Variants in RGS6 observed in about 807,000 individuals in gnomAD.
The protein encoded by RGS6 is regulator of G-protein signaling 6.
Under a neutral mutation model 78.5 loss-of-function variants are expected in RGS6, and 30 were observed. The observed-to-expected ratio is 0.38, with a 90% confidence interval of 0.29 to 0.52. The LOEUF is 0.52. Among genes scored for constraint, RGS6 ranks in the 20% least tolerant of loss-of-function variants. The pLI, the probability that RGS6 is intolerant of heterozygous loss-of-function variation, is 0.85. For missense variants in RGS6, 495 were observed against 609.7 expected (o/e 0.81, Z 1.98); for synonymous variants, 206 against 206.0 (o/e 1.00, Z 0.00).
At chr14:72,225,735 A>T (rs1000657905) in intron 2 of RGS6, among the ~76,000 whole-genome samples, 1 of 152,200 alleles carries the variant, frequency 6.6e-6, no homozygotes, top group Non-Finnish European at 1.5e-5. Context: ...CAAAAATTCT[A>T]TGCTTTTTGC....
At chr14:72,498,477 A>C (rs2096674124) in intron 13 of RGS6, among the ~76,000 whole-genome samples, 3 of 152,206 alleles carry the variant, frequency 2.0e-5, no homozygotes, top group Non-Finnish European at 2.9e-5. Flanking sequence ...GAAGTTTCTA[A>C]AAAATACTAA....
At chr14:71,946,422 C>T (rs1410092231) in intron 1 of RGS6, among the ~76,000 whole-genome samples, 2 of 152,128 alleles carry the variant, frequency 1.3e-5, no homozygotes, top group Admixed American at 1.3e-4. Context: ...TGCTGCTCCT[C>T]CCCACTCCTT....
At chr14:72,461,252 G>T (rs1032962330) in intron 6 of RGS6, among the ~76,000 whole-genome samples, 9 of 152,178 alleles carry the variant, frequency 5.9e-5, no homozygotes, top group African/African-American at 1.9e-4. Flanking sequence ...TATTTTTCCA[G>T]GCAGTGGAGA....
In RGS6 at chr14:72,371,392, G is replaced by T. The variant is rs1596366855; in HGVS notation, c.184+19198G>T. Among the ~76,000 whole-genome samples, 5 of 152,244 alleles carry T rather than the reference G, an allele frequency of 3.3e-5. 1 individual carries two copies. In the East Asian group the frequency reaches 9.6e-4, roughly 29 times the overall value. The stretch of plus-strand genomic sequence containing the variant: ...AGTGGAATGAAGGAAGGAAAAGACA[G>T]GCAGTTTATTAAAAGTCAAAATATA... On this transcript the variant is annotated intron_variant, in intron 3 of 17. Transcript: ENST00000553525.
rs1234820242 is a variant in RGS6, at chr14:72,564,373, C to A, written c.*1906C>A. 1 of 152,252 alleles carries A rather than the reference C, an allele frequency of 6.6e-6. No individual in the cohort carries two copies. Among genetic ancestry groups the A allele is most frequent in the Non-Finnish European group, 1.5e-5 (1 of 68,054 alleles). 9.4% of individuals were successfully genotyped at this position (152,252 alleles called of 1,614,324 possible). A position where few individuals can be genotyped will look rare whatever the true frequency, so the allele number is the denominator to read the frequency against. The stretch of plus-strand genomic sequence containing the variant: ...AGGCTGGTACTTTGGAGGCACTAAC[C>A]ACTTGATGAGTAAATCAATGGCATA... On this transcript the variant is annotated 3_prime_UTR_variant, in exon 18 of 18. Transcript: ENST00000553525.
chr14:72,005,092 A>C (rs2084254782), intron 2 of RGS6, among the ~76,000 whole-genome samples: 1 of 152,224 alleles, frequency 6.6e-6, no homozygotes, highest in South Asian at 2.1e-4. Flanking sequence ...AATTAGGAGA[A>C]GCACAAATGG....
intron 3 of RGS6, among the ~76,000 whole-genome samples, chr14:72,383,112 A>T (rs888025047): frequency 1.6e-4 from 23 of 147,184 alleles, no homozygotes; most frequent in African/African-American, 5.7e-4. Flanking sequence ...TGCAATTAAA[A>T]TTTTTTCAAG....
chr14:72,064,896 T>A (rs1268382840), intron 2 of RGS6, among the ~76,000 whole-genome samples: 5 of 152,246 alleles, frequency 3.3e-5, no homozygotes, highest in African/African-American at 1.2e-4. Context: ...GGCAATGGTA[T>A]CATGTGGCAA....
At chr14:72,379,946 C>T (rs779291766) in intron 3 of RGS6, among the ~76,000 whole-genome samples, 5 of 152,030 alleles carry the variant, frequency 3.3e-5, no homozygotes, top group African/African-American at 7.2e-5. Context: ...ACCAAAACAG[C>T]ATGGTACTGT....
At chr14:72,155,760 TA>T (rs1438692377) in intron 2 of RGS6, among the ~76,000 whole-genome samples, 1 of 152,266 alleles carries the variant, frequency 6.6e-6, no homozygotes, top group Non-Finnish European at 1.5e-5. Context: ...CCCCTTCTAA[TA>T]TCAGCTGTTT....
chr14:72,519,569 A>G (rs2097002408), intron 15 of RGS6, among the ~76,000 whole-genome samples: 1 of 152,140 alleles, frequency 6.6e-6, no homozygotes. Context: ...TCAAGATGGA[A>G]ACACCTACCA....
At chr14:72,428,254 G>A (rs915886670) in intron 3 of RGS6, among the ~76,000 whole-genome samples, 6 of 152,140 alleles carry the variant, frequency 3.9e-5, no homozygotes, top group Non-Finnish European at 8.8e-5. Context: ...GGATGAGGGG[G>A]AATTAGTTGG....
rs1256912287 is a variant in RGS6, at chr14:72,540,938, C to CA, written c.1422+845dup. On this transcript the variant is annotated intron_variant, in intron 17 of 17. Transcript: ENST00000553525. ...GAGTCCGTGGCTGTTCCCTGGGGTGCATGGCTGAGACTCTCTACCATGGTT... is the reference window on the plus strand; with the variant it reads ...GAGTCCGTGGCTGTTCCCTGGGGTGCAATGGCTGAGACTCTCTACCATGGTT... 3.0e-6 allele frequency: 3 copies of CA among 985,442 alleles called. No homozygotes were observed. The African/African-American group carries it at 5.2e-5, about 17-fold the overall frequency. The allele number at this position is 985,442 out of a possible 1,614,324, so 61.0% of individuals were successfully genotyped here.
At chr14:71,967,297 G>C (rs1473235419) in intron 2 of RGS6, among the ~76,000 whole-genome samples, 2 of 151,998 alleles carry the variant, frequency 1.3e-5, no homozygotes, top group South Asian at 4.2e-4. Context: ...TTATTGCACA[G>C]TGTGAGCTCA....
chr14:72,499,878 C>T (rs1312018533), intron 13 of RGS6, among the ~76,000 whole-genome samples: 1 of 152,146 alleles, frequency 6.6e-6, no homozygotes, highest in Non-Finnish European at 1.5e-5. Context: ...ATCACATCCT[C>T]CTCCTGGTTC....
chr14:72,400,993 T>C (rs2092329854), intron 3 of RGS6, among the ~76,000 whole-genome samples: 2 of 152,260 alleles, frequency 1.3e-5, no homozygotes, highest in Non-Finnish European at 2.9e-5. Flanking sequence ...TTTGGAAGTG[T>C]GTGACATTAG....
upstream of RGS6, among the ~76,000 whole-genome samples, chr14:71,932,274 C>G (rs945583141): frequency 2.0e-5 from 3 of 151,766 alleles, no homozygotes; most frequent in African/African-American, 7.2e-5. Context: ...GCTCAGGTGC[C>G]GGTCCCCGCC....
intron 2 of RGS6, among the ~76,000 whole-genome samples, chr14:72,332,118 G>A (rs1001556124): frequency 2.6e-5 from 4 of 152,232 alleles, no homozygotes; most frequent in African/African-American, 4.8e-5. Context: ...GGTGCAGCCT[G>A]TGGCCCCAGA....
At chr14:72,629,851 C>T in the RGS6 span, 179 of 859,564 alleles carry the variant, frequency 2.1e-4, 1 homozygote, top group Non-Finnish European at 1.2e-4. Context: ...GGTAGCATGA[C>T]GTAGGGAAAA....
Sources: allele counts gnomAD v4.1 joint callset (sites outside exome capture counted in the v4.1 genomes callset), GRCh38; gene constraint gnomAD v4.1.1; transcripts MANE v1.5; gene names NCBI Gene and HGNC (gene_info 2026-07-23, HGNC 2026-07-21).